NDUFA7: variants seen among roughly 807,000 people sequenced by gnomAD.
NDUFA7 encodes NADH dehydrogenase [ubiquinone] 1 alpha subcomplex subunit 7.
In NDUFA7, 18 loss-of-function variants were observed where a neutral mutation model predicts 14.2. The observed-to-expected ratio is 1.27, with a 90% CI of 0.88 to 1.88. NDUFA7 has a LOEUF of 1.88. NDUFA7 is among the 40% of genes most tolerant of loss of function. The pLI is 0.00. For synonymous variants in NDUFA7, 75 were observed against 62.1 expected, an observed-to-expected ratio of 1.21 and a Z score of -0.98; for missense variants, 172 against 147.3, an observed-to-expected ratio of 1.17 and a Z score of -0.87.
intron 3 of NDUFA7, among the ~76,000 whole-genome samples, chr19:8,313,265 C>CT (rs1220777011): frequency 4.0e-5 from 6 of 149,394 alleles, no homozygotes; most frequent in Non-Finnish European, 6.0e-5. Context: ...GAGTCTCACT[C>CT]TGTCACCCAG....
intron 2 of NDUFA7, among the ~76,000 whole-genome samples, chr19:8,318,592 G>C (rs1023263044): frequency 4.1e-5 from 6 of 146,000 alleles, no homozygotes; most frequent in African/African-American, 1.3e-4. Flanking sequence ...CTTAGGCCTG[G>C]AAGTTCGAGG....
downstream of NDUFA7, among the ~76,000 whole-genome samples, chr19:8,310,023 T>C (rs1309871837): frequency 3.3e-5 from 5 of 152,290 alleles, no homozygotes; most frequent in South Asian, 2.1e-4. Context: ...GAGCAGCCCT[T>C]ACTGTCCTCT....
downstream of NDUFA7, among the ~76,000 whole-genome samples, chr19:8,309,623 GC>G (rs1970151135): frequency 6.6e-6 from 1 of 151,908 alleles, no homozygotes; most frequent in Non-Finnish European, 1.5e-5. Flanking sequence ...TCATCCTTTT[GC>G]CCCAAGCAGA....
At position 8,321,206 on chromosome 19, in the gene NDUFA7, A is replaced by C. The variant is rs958108412; in HGVS notation, c.51+102T>G. On this transcript the variant is annotated intron_variant, in intron 1 of 3. Transcript: ENST00000301457. The stretch of plus-strand genomic sequence containing the variant: ...GGGGTTCCCAGGGAGATTCGGGGAG[A>C]GCGAAGGGTCCCGGCTTAGGAGGGA... The C allele has an allele frequency of 1.7e-5, 23 of 1,344,026 alleles. No homozygotes were observed. The African/African-American group carries it at 2.9e-4, about 17-fold the overall frequency. 83.3% of individuals were successfully genotyped at this position (1,344,026 alleles called of 1,614,324 possible). A position where few individuals can be genotyped will look rare whatever the true frequency, so the allele number is the denominator to read the frequency against.
At chr19:8,311,837 C>T (rs1472824393) in intron 3 of NDUFA7, among the ~76,000 whole-genome samples, 2 of 152,174 alleles carry the variant, frequency 1.3e-5, no homozygotes, top group Admixed American at 1.3e-4. Context: ...CCTGCTGTGG[C>T]CCCCAGGCCC....
At chr19:8,317,162 G>A (rs1288958541) in intron 2 of NDUFA7, among the ~76,000 whole-genome samples, 1 of 152,186 alleles carries the variant, frequency 6.6e-6, no homozygotes, top group Non-Finnish European at 1.5e-5. Context: ...CTGCCACCAT[G>A]TGGCCAGGCA....
Position 8,315,867 on chromosome 19 carries a change from A to C in NDUFA7, c.251+629T>G, listed in dbSNP as rs143295174. On this transcript the variant is annotated intron_variant, in intron 3 of 3. Transcript: ENST00000301457. ...TCAAAACAAAAACAAAAACAAAAAC[A>C]AAACAGGCCAGGCACGGTGGGTCAC... Among the ~76,000 whole-genome samples, 22 of 151,824 alleles carry C rather than the reference A, an allele frequency of 1.4e-4. No homozygotes were observed. The East Asian group carries it at 4.3e-3, about 29-fold the overall frequency.
intron 1 of NDUFA7, 61 bp downstream of exon 1, chr19:8,321,247 C>A: frequency 6.8e-7 from 1 of 1,470,020 alleles, no homozygotes; most frequent in Admixed American, 2.3e-5. Context: ...GGAGCAGGAG[C>A]GGGTCCCGGA....
chr19:8,314,006 G>A (rs1970206664), intron 3 of NDUFA7, among the ~76,000 whole-genome samples: 2 of 152,170 alleles, frequency 1.3e-5, no homozygotes. Flanking sequence ...AGGAGCCCAA[G>A]GTTTATACAC....
At chr19:8,316,757 G>C in intron 2 of NDUFA7, 112 bp from the exon 3 acceptor site, 1 of 1,330,672 alleles carries the variant, frequency 7.5e-7, no homozygotes, top group South Asian at 1.3e-5. Flanking sequence ...CAGCCACTGG[G>C]ATAAGCCACA....
At chr19:8,311,666 T>G in intron 3 of NDUFA7, 71 bp from the exon 4 acceptor site, 1 of 1,337,682 alleles carries the variant, frequency 7.5e-7, no homozygotes. Context: ...AGCCCACACC[T>G]GCCCCGGGAC....
chr19:8,315,794 G>C (rs1284343884), intron 3 of NDUFA7, among the ~76,000 whole-genome samples: 1 of 152,064 alleles, frequency 6.6e-6, no homozygotes, highest in Non-Finnish European at 1.5e-5. Context: ...CACAGGTGTG[G>C]AGGGGCAACC....
intron 2 of NDUFA7, among the ~76,000 whole-genome samples, chr19:8,318,227 T>C (rs1970258658): frequency 6.6e-6 from 1 of 151,802 alleles, no homozygotes; most frequent in Non-Finnish European, 1.5e-5. Context: ...CTCGGCTCAC[T>C]GCAACCTCCG....
chr19:8,317,195 G>C (rs990373747), intron 2 of NDUFA7, among the ~76,000 whole-genome samples: 3 of 152,308 alleles, frequency 2.0e-5, no homozygotes, highest in East Asian at 1.9e-4. Context: ...AGCCCAGAGA[G>C]GGGTGAACAG....
intron 1 of NDUFA7, 41 bp downstream of exon 1, chr19:8,321,267 C>T: frequency 6.6e-7 from 1 of 1,511,944 alleles, no homozygotes. Context: ...ACACACGGAG[C>T]CCGAAGCCCC....
chr19:8,310,995 C>A (rs73495498), downstream of NDUFA7, among the ~76,000 whole-genome samples: 263 of 152,306 alleles, frequency 1.7e-3, no homozygotes, highest in African/African-American at 6.3e-3. Context: ...GCCTGGGTGA[C>A]AAGCGCGAAA....
At chr19:8,316,371 A>C in intron 3 of NDUFA7, 125 bp downstream of exon 3, 1 of 1,374,526 alleles carries the variant, frequency 7.3e-7, no homozygotes, top group Non-Finnish European at 9.9e-7. Context: ...CCAGCAGCAC[A>C]GTTCCTGCGC....
At chr19:8,310,074 G>A (rs1970158785), downstream of NDUFA7, among the ~76,000 whole-genome samples, 1 of 152,202 alleles carries the variant, frequency 6.6e-6, no homozygotes, top group African/African-American at 2.4e-5. Flanking sequence ...GGTCAAGCAG[G>A]AGCCTCAGTG....
At position 8,316,388 on chromosome 19, in the gene NDUFA7, T is replaced by C; in HGVS notation, c.251+108A>G. 2.0e-6 allele frequency: 3 copies of C among 1,470,302 alleles called. No homozygotes were observed. In the Admixed American group the frequency reaches 6.0e-5, roughly 29 times the overall value. The allele number at this position is 1,470,302 out of a possible 1,614,324, so 91.1% of individuals were successfully genotyped here. ...AGCAGCACAGTTCCTGCGCAACTGA[T>C]GCTTACTAAGTAGGATCTTGACAAG... On this transcript the variant is annotated intron_variant, in intron 3 of 3. Coordinates refer to ENST00000301457, the MANE Select transcript of NDUFA7 (RefSeq NM_005001.5).
Sources: allele counts gnomAD v4.1 joint callset (sites outside exome capture counted in the v4.1 genomes callset), GRCh38; gene constraint gnomAD v4.1.1; transcripts MANE v1.5; gene names NCBI Gene and HGNC (gene_info 2026-07-23, HGNC 2026-07-21).